Variants in NOS1AP observed in about 807,000 individuals in gnomAD.
The protein encoded by NOS1AP is nitric oxide synthase 1 adaptor protein.
NOS1AP carries 21 observed loss-of-function variants against 56.2 expected under a neutral mutation model. The ratio of observed to expected loss-of-function variants is 0.37; its 90% confidence interval spans 0.26 to 0.54. NOS1AP has a LOEUF of 0.54. NOS1AP is among the 20% of genes least tolerant of loss of function. The pLI is 0.84. For missense variants in NOS1AP, 522 were observed against 657.8 expected (o/e 0.79, Z 2.26); for synonymous variants, 270 against 274.6 (o/e 0.98, Z 0.17).
At chr1:162,285,808 A>G (rs1655071670) in intron 2 of NOS1AP, among the ~76,000 whole-genome samples, 1 of 152,042 alleles carries the variant, frequency 6.6e-6, no homozygotes, top group South Asian at 2.1e-4. Flanking sequence ...GACAGGGTAG[A>G]GTGGAGGTGG....
intron 2 of NOS1AP, among the ~76,000 whole-genome samples, chr1:162,283,688 A>C (rs1655004989): frequency 6.6e-6 from 1 of 152,162 alleles, no homozygotes; most frequent in African/African-American, 2.4e-5. Context: ...ACAAGGTCCC[A>C]AGGCTCTATT....
chr1:162,258,272 C>T (rs1654099131), intron 2 of NOS1AP, among the ~76,000 whole-genome samples: 1 of 152,190 alleles, frequency 6.6e-6, no homozygotes, highest in Non-Finnish European at 1.5e-5. Context: ...TGTCTCTGAG[C>T]ACCATGAGAG....
intron 2 of NOS1AP, among the ~76,000 whole-genome samples, chr1:162,181,983 A>G (rs10753765): frequency 0.54 from 82,078 of 152,032 alleles, 24,728 homozygotes; most frequent in African/African-American, 0.8. Context: ...TGACATTTGC[A>G]TTGGGCTTGT....
intron 1 of NOS1AP, among the ~76,000 whole-genome samples, chr1:162,095,157 G>C (rs922755924): frequency 5.3e-5 from 8 of 152,184 alleles, no homozygotes; most frequent in Non-Finnish European, 1.2e-4. Flanking sequence ...GGAGTGCTAT[G>C]GTCTGAATGT....
chr1:162,245,398 C>T (rs1653630106), intron 2 of NOS1AP, among the ~76,000 whole-genome samples: 1 of 152,148 alleles, frequency 6.6e-6, no homozygotes, highest in African/African-American at 2.4e-5. Flanking sequence ...ATGAAGATGT[C>T]AGGGAACTGG....
At chr1:162,194,455 C>A (rs984714252) in intron 2 of NOS1AP, among the ~76,000 whole-genome samples, 4 of 152,122 alleles carry the variant, frequency 2.6e-5, no homozygotes, top group African/African-American at 9.7e-5. Flanking sequence ...TGGCTGTGCC[C>A]TTTTTTGTGT....
At chr1:162,095,619 C>A (rs1439724998) in intron 1 of NOS1AP, among the ~76,000 whole-genome samples, 1 of 152,148 alleles carries the variant, frequency 6.6e-6, no homozygotes, top group Admixed American at 6.5e-5. Flanking sequence ...GTATTAAGTT[C>A]TGTAGGGACC....
intron 1 of NOS1AP, among the ~76,000 whole-genome samples, chr1:162,071,088 C>T (rs16849113): frequency 0.18 from 26,834 of 152,062 alleles, 4,617 homozygotes; most frequent in African/African-American, 0.45. Flanking sequence ...GCTTCTGAAA[C>T]TGCAGTGGCG....
intron 4 of NOS1AP, among the ~76,000 whole-genome samples, chr1:162,329,694 G>C (rs927672643): frequency 8.6e-5 from 13 of 151,728 alleles, no homozygotes; most frequent in Middle Eastern, 3.4e-3. Flanking sequence ...GAGAAATAAG[G>C]GTTCTTGGAA....
At chr1:162,184,596 T>C (rs1301990878) in intron 2 of NOS1AP, among the ~76,000 whole-genome samples, 1 of 152,218 alleles carries the variant, frequency 6.6e-6, no homozygotes, top group East Asian at 1.9e-4. Context: ...GCATCTGGTA[T>C]GTGGAAGAGC....
chr1:162,340,110 C>T (rs954948374), intron 5 of NOS1AP, among the ~76,000 whole-genome samples: 2 of 152,140 alleles, frequency 1.3e-5, no homozygotes, highest in African/African-American at 4.8e-5. Context: ...GTTAGAGTAG[C>T]TTGATTATGT....
intron 2 of NOS1AP, among the ~76,000 whole-genome samples, chr1:162,197,648 T>C (rs2102162295): frequency 6.6e-6 from 1 of 152,338 alleles, no homozygotes; most frequent in Middle Eastern, 3.4e-3. Context: ...CCAACCCTTT[T>C]CAGGCTCAGG....
At chr1:162,134,304 A>T (rs1250133764) in intron 1 of NOS1AP, among the ~76,000 whole-genome samples, 3 of 152,196 alleles carry the variant, frequency 2.0e-5, no homozygotes, top group Non-Finnish European at 4.4e-5. Flanking sequence ...CAGCGTGGCC[A>T]ACATGGCAAA....
intron 2 of NOS1AP, among the ~76,000 whole-genome samples, chr1:162,167,998 C>A (rs187838195): frequency 2.4e-3 from 332 of 139,028 alleles, no homozygotes; most frequent in East Asian, 2.7e-3. Flanking sequence ...AGTGGCTAGT[C>A]AAAAAAAAAA....
chr1:162,122,034 A>G (rs1648262739), intron 1 of NOS1AP, among the ~76,000 whole-genome samples: 2 of 152,378 alleles, frequency 1.3e-5, no homozygotes, highest in South Asian at 4.1e-4. Context: ...TGATTACTGT[A>G]ATTGCAAATG....
At chr1:162,173,935 G>A (rs1358396676) in intron 2 of NOS1AP, among the ~76,000 whole-genome samples, 26 of 152,128 alleles carry the variant, frequency 1.7e-4, no homozygotes, top group African/African-American at 5.1e-4. Context: ...ATGTGGAGAA[G>A]TAGGAACACT....
chr1:162,182,805 C>T (rs1264095704), intron 2 of NOS1AP, among the ~76,000 whole-genome samples: 10 of 152,296 alleles, frequency 6.6e-5, no homozygotes, highest in Middle Eastern at 3.4e-3. Flanking sequence ...TCAGGCTCCA[C>T]TTCTCATCGT....
chr1:162,297,374 A>T (rs925345539), intron 3 of NOS1AP, among the ~76,000 whole-genome samples: 1 of 152,204 alleles, frequency 6.6e-6, no homozygotes, highest in Non-Finnish European at 1.5e-5. Context: ...CCAAGTGTTT[A>T]TGCCACCGCA....
intron 2 of NOS1AP, among the ~76,000 whole-genome samples, chr1:162,175,005 C>T (rs1000008070): frequency 6.6e-6 from 1 of 152,136 alleles, no homozygotes; most frequent in Admixed American, 6.5e-5. Flanking sequence ...GGGAGGAAGA[C>T]AGAGAGGTAA....
Sources: gnomAD v4.1 joint callset for allele counts (sites outside exome capture counted in the v4.1 genomes callset) on GRCh38, gnomAD v4.1.1 for gene constraint, MANE v1.5 for transcripts, NCBI Gene and HGNC (gene_info 2026-07-23, HGNC 2026-07-21) for gene names.